The following PARP16 variants were observed in gnomAD, a reference collection of about 807,000 sequenced individuals.
PARP16 encodes the protein poly(ADP-ribose) polymerase family member 16, also known as protein mono-ADP-ribosyltransferase PARP16.
In PARP16, 31 loss-of-function variants were observed where a neutral mutation model predicts 35.0. The observed-to-expected ratio is 0.88, with a 90% CI of 0.66 to 1.19. The LOEUF is 1.19. Ranked by LOEUF, PARP16 falls within the 50% of genes most tolerant of loss-of-function variation. The probability of loss-of-function intolerance (pLI) is 0.00; values close to 1 mark genes in which losing one functional copy is unlikely to be tolerated. For missense variants in PARP16, 424 were observed against 411.2 expected (o/e 1.03, Z -0.27); for synonymous variants, 162 against 169.5 (o/e 0.96, Z 0.34).
At chr15:65,266,899 G>T in intron 2 of PARP16, 131 bp from the exon 3 acceptor site, 1 of 674,120 alleles carries the variant, frequency 1.5e-6, no homozygotes. Flanking sequence ...CATGAGGATA[G>T]AGACATAAGC....
downstream of PARP16, among the ~76,000 whole-genome samples, chr15:65,256,553 G>A (rs1020558181): frequency 1.1e-4 from 17 of 151,624 alleles, no homozygotes; most frequent in African/African-American, 3.4e-4. Flanking sequence ...GACTACAGGC[G>A]CCCGCAACCA....
intron 3 of PARP16, among the ~76,000 whole-genome samples, chr15:65,240,326 G>C (rs2089032643): frequency 9.4e-6 from 1 of 105,888 alleles, no homozygotes; most frequent in South Asian, 2.9e-4. Flanking sequence ...GGGGGCTAGT[G>C]TGTGTGTGTG....
chr15:65,271,419 G>A (rs771790661), intron 1 of PARP16, among the ~76,000 whole-genome samples: 11 of 152,062 alleles, frequency 7.2e-5, no homozygotes, highest in Non-Finnish European at 1.3e-4. Flanking sequence ...GACTACAAGC[G>A]CACGCCACCA....
chr15:65,273,215 T>C (rs537831046), intron 1 of PARP16, among the ~76,000 whole-genome samples: 2 of 136,506 alleles, frequency 1.5e-5, no homozygotes, highest in Non-Finnish European at 3.1e-5. Flanking sequence ...GAGGCGGAGG[T>C]TGCAGTGAGC....
At chr15:65,253,236 T>C (rs573098768), downstream of PARP16, among the ~76,000 whole-genome samples, 6 of 151,908 alleles carry the variant, frequency 3.9e-5, no homozygotes, top group Admixed American at 6.5e-5. Flanking sequence ...CAAATGGGAC[T>C]CCCTGAATTC....
At chr15:65,232,364 G>A (rs958722960), downstream of PARP16, among the ~76,000 whole-genome samples, 1 of 152,040 alleles carries the variant, frequency 6.6e-6, no homozygotes, top group African/African-American at 2.4e-5. Flanking sequence ...AATATTTTTC[G>A]TGTCAGTTCT....
In PARP16 at chr15:65,258,700, A is replaced by G. The variant is rs2089593929; in HGVS notation, c.*707T>C. 1 of 152,638 alleles carries G rather than the reference A, an allele frequency of 6.6e-6. No homozygotes were observed. Among genetic ancestry groups the G allele is most frequent in the Admixed American group, 6.5e-5 (1 of 15,278 alleles). 9.5% of individuals were successfully genotyped at this position (152,638 alleles called of 1,614,324 possible). On this transcript the variant is annotated 3_prime_UTR_variant, in exon 6 of 6. Coordinates refer to ENST00000649807, the MANE Select transcript of PARP16 (RefSeq NM_001316943.2). ...AAACATTTGGTTCCATTTCAGCTGT[A>G]ATCAGCAGTTGGTAATTTTTGGAAA... is the stretch of plus-strand genomic sequence containing the variant.
At chr15:65,262,834 C>T (rs2089780654) in intron 4 of PARP16, among the ~76,000 whole-genome samples, 1 of 152,202 alleles carries the variant, frequency 6.6e-6, no homozygotes, top group African/African-American at 2.4e-5. Flanking sequence ...ATTCAAATCT[C>T]TCCTCCTCCC....
chr15:65,260,362 G>C (rs1567020223), intron 5 of PARP16, among the ~76,000 whole-genome samples: 1 of 152,140 alleles, frequency 6.6e-6, no homozygotes, highest in East Asian at 1.9e-4. Flanking sequence ...ATGGAACTAG[G>C]CATCCACCAA....
intron 3 of PARP16, among the ~76,000 whole-genome samples, chr15:65,236,525 CT>C (rs2088882143): frequency 6.6e-6 from 1 of 152,182 alleles, no homozygotes; most frequent in Admixed American, 6.5e-5. Flanking sequence ...GGCCAAGGCC[CT>C]AGAGTAGGAG....
chr15:65,275,070 C>A (rs1258052114), intron 1 of PARP16, among the ~76,000 whole-genome samples: 1 of 151,444 alleles, frequency 6.6e-6, no homozygotes, highest in Non-Finnish European at 1.5e-5. Context: ...AGCCAGTGAG[C>A]CATCACTGCA....
intron 1 of PARP16, among the ~76,000 whole-genome samples, chr15:65,283,713 G>A (rs909376219): frequency 2.6e-5 from 4 of 152,136 alleles, no homozygotes; most frequent in South Asian, 2.1e-4. Context: ...CATGTTGTAC[G>A]GCGCTTACCT....
Position 65,286,498 on chromosome 15 carries a change from G to GCCCCCGC in PARP16, c.-73_-72insGCGGGGG. Reference sequence around the variant, plus strand: ...AGGGCGAGCGTGCGTTCAGCGCGGGGGCTGGGCCCGCGGACAATGGGCCGT... The same window carrying GCCCCCGC: ...AGGGCGAGCGTGCGTTCAGCGCGGGGCCCCCGCGCTGGGCCCGCGGACAATGGGCCGT... On this transcript the variant is annotated 5_prime_UTR_variant, in exon 1 of 6. Transcript: ENST00000649807. 1 of 1,223,674 alleles carries GCCCCCGC rather than the reference G, an allele frequency of 8.2e-7. No homozygotes were observed. 75.8% of individuals were successfully genotyped at this position (1,223,674 alleles called of 1,614,324 possible).
intron 1 of PARP16, among the ~76,000 whole-genome samples, chr15:65,279,659 T>C (rs1415758225): frequency 2.0e-5 from 3 of 152,216 alleles, no homozygotes; most frequent in Non-Finnish European, 4.4e-5. Flanking sequence ...CCTTGAGATA[T>C]CAAGTATAGA....
At chr15:65,270,193 C>A (rs1567030513) in intron 2 of PARP16, among the ~76,000 whole-genome samples, 2 of 152,198 alleles carry the variant, frequency 1.3e-5, no homozygotes, top group Non-Finnish European at 2.9e-5. Flanking sequence ...GAGCAGGAAT[C>A]AAGTCCTACA....
At chr15:65,282,193 T>C (rs952615131) in intron 1 of PARP16, among the ~76,000 whole-genome samples, 10 of 152,102 alleles carry the variant, frequency 6.6e-5, no homozygotes, top group Non-Finnish European at 1.0e-4. Flanking sequence ...GTAATCTTTT[T>C]ATAAAGACAG....
intron 3 of PARP16, among the ~76,000 whole-genome samples, chr15:65,244,032 A>G (rs2089143900): frequency 6.6e-6 from 1 of 152,050 alleles, no homozygotes; most frequent in Non-Finnish European, 1.5e-5. Context: ...TGGCTATCCC[A>G]AGAGTATGCC....
chr15:65,265,386 G>A (rs1019828562), intron 3 of PARP16, among the ~76,000 whole-genome samples: 4 of 152,196 alleles, frequency 2.6e-5, no homozygotes, highest in African/African-American at 9.7e-5. Context: ...TGAAGAACCT[G>A]AGGCTCAGAG....
In PARP16 at chr15:65,259,300, C is replaced by T. The variant is rs1229809754; in HGVS notation, c.*107G>A. On this transcript the variant is annotated 3_prime_UTR_variant, in exon 6 of 6. Coordinates refer to ENST00000649807, the MANE Select transcript of PARP16 (RefSeq NM_001316943.2). ...ATATGAAAATTGTCCTGTGGTCCCC[C>T]AACTGGCCCCTAGGCTCAACCTGGC... 9.2e-7 allele frequency: 1 copy of T among 1,092,246 alleles called. No individual in the cohort carries two copies. 67.7% of individuals were successfully genotyped at this position (1,092,246 alleles called of 1,614,324 possible).
Sources: allele counts gnomAD v4.1 joint callset (sites outside exome capture counted in the v4.1 genomes callset), GRCh38; gene constraint gnomAD v4.1.1; transcripts MANE v1.5; gene names NCBI Gene and HGNC (gene_info 2026-07-23, HGNC 2026-07-21).